The following SYN3 variants were observed in gnomAD, a reference collection of about 807,000 sequenced individuals.
SYN3 encodes the protein synapsin III.
A neutral mutation model predicts 65.8 loss-of-function variants in SYN3; 35 were observed. That is an observed-to-expected ratio of 0.53 (90% CI 0.41 to 0.70). SYN3 has a LOEUF of 0.70. SYN3 is among the 30% of genes least tolerant of loss of function. The probability of loss-of-function intolerance (pLI) is 0.00; values close to 1 mark genes in which losing one functional copy is unlikely to be tolerated. For synonymous variants in SYN3, 270 were observed against 292.9 expected (o/e 0.92, Z 0.80); for missense variants, 680 against 749.0 (o/e 0.91, Z 1.08).
chr22:32,622,083 A>G (rs1463714627), intron 6 of SYN3, among the ~76,000 whole-genome samples: 1 of 152,070 alleles, frequency 6.6e-6, no homozygotes, highest in African/African-American at 2.4e-5. Flanking sequence ...GAACCCCACA[A>G]AAGGCCCTGT....
chr22:32,920,092 C>T (rs886897468), intron 4 of SYN3, among the ~76,000 whole-genome samples: 3 of 152,182 alleles, frequency 2.0e-5, no homozygotes, highest in Non-Finnish European at 2.9e-5. Context: ...CTTCCTGGCT[C>T]CTGCTCTTCA....
In SYN3 at chr22:32,510,465, T is replaced by C. The variant is rs752415545; in HGVS notation, c.*3227A>G. On this transcript the variant is annotated 3_prime_UTR_variant, in exon 14 of 14. Transcript: ENST00000358763. Reference sequence around the variant, plus strand: ...TTACTAAGTGAAAACTGGGTGAGATTGTTGAAGAGGGACGATTGCCACAGG... The same window carrying C: ...TTACTAAGTGAAAACTGGGTGAGATCGTTGAAGAGGGACGATTGCCACAGG... Among the ~76,000 whole-genome samples, 2 of 152,306 alleles carry C rather than the reference T, an allele frequency of 1.3e-5. No individual in the cohort carries two copies. The highest frequency in any genetic ancestry group is 3.9e-4 in the East Asian group (2 of 5,184).
At chr22:32,596,878 A>T in intron 6 of SYN3, 142 bp from the exon 7 acceptor site, 9 of 825,234 alleles carry the variant, frequency 1.1e-5, no homozygotes, top group Non-Finnish European at 1.7e-5. Context: ...ATGGTCACCC[A>T]GCCATGGCCC....
At chr22:32,851,086 C>T (rs1486372219) in intron 6 of SYN3, among the ~76,000 whole-genome samples, 3 of 152,166 alleles carry the variant, frequency 2.0e-5, no homozygotes, top group Admixed American at 6.5e-5. Flanking sequence ...TGTCTTCAGA[C>T]AGCCCTGGGG....
chr22:32,785,944 T>C (rs1007741775), intron 6 of SYN3, among the ~76,000 whole-genome samples: 5 of 151,934 alleles, frequency 3.3e-5, no homozygotes, highest in Non-Finnish European at 7.4e-5. Flanking sequence ...CTTTTGCCTA[T>C]GAGACTTGGC....
chr22:32,569,537 A>ATATC (rs2058725154), intron 7 of SYN3, among the ~76,000 whole-genome samples: 1 of 113,506 alleles, frequency 8.8e-6, no homozygotes, highest in African/African-American at 3.0e-5. Flanking sequence ...AAATCAATCA[A>ATATC]TCTCTCTCTC....
intron 4 of SYN3, among the ~76,000 whole-genome samples, chr22:32,925,625 C>A (rs1236144224): frequency 6.6e-6 from 1 of 152,126 alleles, no homozygotes. Flanking sequence ...TAGGAGTGTC[C>A]TCAGCTTTTC....
intron 6 of SYN3, among the ~76,000 whole-genome samples, chr22:32,669,703 G>A (rs1163576334): frequency 6.6e-6 from 1 of 152,216 alleles, no homozygotes; most frequent in African/African-American, 2.4e-5. Flanking sequence ...AGTCAAAGCT[G>A]TATATTCCAG....
chr22:32,705,140 C>G (rs2060863523), intron 6 of SYN3, among the ~76,000 whole-genome samples: 1 of 152,164 alleles, frequency 6.6e-6, no homozygotes, highest in Admixed American at 6.5e-5. Flanking sequence ...TTCCTATGTC[C>G]AGAATGGTAT....
chr22:32,539,640 C>A (rs2058221276), intron 8 of SYN3, among the ~76,000 whole-genome samples: 1 of 152,062 alleles, frequency 6.6e-6, no homozygotes, highest in African/African-American at 2.4e-5. Flanking sequence ...GGTTGAATGG[C>A]CGGGGAAATT....
chr22:32,730,667 T>A (rs769882824), intron 6 of SYN3, among the ~76,000 whole-genome samples: 3 of 152,212 alleles, frequency 2.0e-5, no homozygotes, highest in Non-Finnish European at 4.4e-5. Context: ...GGTTCTGGCA[T>A]CTCTTGAGGC....
chr22:33,050,338 C>T (rs980885968), intron 1 of SYN3, among the ~76,000 whole-genome samples: 15 of 151,938 alleles, frequency 9.9e-5, no homozygotes, highest in Non-Finnish European at 2.2e-4. Flanking sequence ...AAAAAATTAG[C>T]CGGGCGTGGT....
intron 6 of SYN3, among the ~76,000 whole-genome samples, chr22:32,736,306 G>A (rs1005046613): frequency 6.6e-6 from 1 of 152,174 alleles, no homozygotes; most frequent in Non-Finnish European, 1.5e-5. Context: ...CCACTGTAGA[G>A]TAATTTTGTC....
chr22:32,571,268 T>A (rs1003434376), intron 7 of SYN3, among the ~76,000 whole-genome samples: 3 of 152,152 alleles, frequency 2.0e-5, no homozygotes, highest in Non-Finnish European at 4.4e-5. Flanking sequence ...TTTGACTTTG[T>A]CTTCTTCCTT....
intron 1 of SYN3, among the ~76,000 whole-genome samples, chr22:33,033,633 C>T (rs1185615218): frequency 6.6e-6 from 1 of 152,162 alleles, no homozygotes; most frequent in Admixed American, 6.5e-5. Context: ...TCACAAGGGG[C>T]CAATGTCTTG....
intron 6 of SYN3, among the ~76,000 whole-genome samples, chr22:32,670,888 C>G (rs2740992): frequency 0.097 from 14,779 of 152,194 alleles, 763 homozygotes; most frequent in African/African-American, 0.14. Context: ...GGGGGGATTC[C>G]CCCCTTCCTA....
chr22:32,643,447 G>T (rs531724452), intron 6 of SYN3, among the ~76,000 whole-genome samples: 1 of 148,688 alleles, frequency 6.7e-6, no homozygotes, highest in Non-Finnish European at 1.5e-5. Context: ...ACCTAATCTC[G>T]CCCCACAGGG....
intron 6 of SYN3, among the ~76,000 whole-genome samples, chr22:32,720,434 C>T (rs2061100681): frequency 6.6e-6 from 1 of 152,194 alleles, no homozygotes; most frequent in Non-Finnish European, 1.5e-5. Flanking sequence ...CTCAGAAATG[C>T]CCAAGTGACT....
At chr22:32,991,538 T>C (rs2052718706) in intron 2 of SYN3, among the ~76,000 whole-genome samples, 1 of 152,128 alleles carries the variant, frequency 6.6e-6, no homozygotes, top group South Asian at 2.1e-4. Context: ...CAGTTCCCAG[T>C]GCTCCCTGTC....
Sources: allele counts gnomAD v4.1 joint callset (sites outside exome capture counted in the v4.1 genomes callset), GRCh38; gene constraint gnomAD v4.1.1; transcripts MANE v1.5; gene names NCBI Gene and HGNC (gene_info 2026-07-23, HGNC 2026-07-21).